The following BBS9 variants were observed in gnomAD, a reference collection of about 807,000 sequenced individuals.
The protein encoded by BBS9 is protein PTHB1.
BBS9 carries 89 observed loss-of-function variants against 117.7 expected under a neutral mutation model. The observed-to-expected ratio is 0.76, with a 90% CI of 0.64 to 0.90. The LOEUF (loss-of-function observed/expected upper bound fraction) is 0.90, where lower values mean the gene tolerates loss of function less well. BBS9 is among the 40% of genes least tolerant of loss of function. The pLI is 0.00. For missense variants in BBS9, 982 were observed against 1,042.2 expected, an observed-to-expected ratio of 0.94 and a Z score of 0.80; for synonymous variants, 379 against 370.9, an observed-to-expected ratio of 1.02 and a Z score of -0.25.
At chr7:33,339,203 A>G (rs758419988) in intron 10 of BBS9, among the ~76,000 whole-genome samples, 1 of 151,986 alleles carries the variant, frequency 6.6e-6, no homozygotes, top group Non-Finnish European at 1.5e-5. Flanking sequence ...TCGGAGTCAT[A>G]TATTGGTCCT....
At chr7:33,236,240 T>C (rs923416104) in intron 5 of BBS9, among the ~76,000 whole-genome samples, 2 of 149,250 alleles carry the variant, frequency 1.3e-5, no homozygotes, top group East Asian at 4.0e-4. Flanking sequence ...GCAGGAGAAT[T>C]GCTTGAACCC....
chr7:33,526,320 C>T (rs2129049313), intron 20 of BBS9, among the ~76,000 whole-genome samples: 1 of 152,262 alleles, frequency 6.6e-6, no homozygotes, highest in South Asian at 2.1e-4. Context: ...GGGAAATTCT[C>T]CTGGATAATA....
At chr7:33,555,250 G>C (rs921410293) in intron 21 of BBS9, among the ~76,000 whole-genome samples, 1 of 152,118 alleles carries the variant, frequency 6.6e-6, no homozygotes, top group African/African-American at 2.4e-5. Context: ...TTTAGGTCCA[G>C]GCTTTTCAGA....
At chr7:33,583,381 T>TTCCTG (rs369876893) in intron 21 of BBS9, among the ~76,000 whole-genome samples, 29 of 152,152 alleles carry the variant, frequency 1.9e-4, no homozygotes, top group African/African-American at 5.8e-4. Context: ...TTCCTTTCCT[T>TTCCTG]TCCTGTCCTG....
chr7:33,175,300 T>TA, intron 4 of BBS9, among the ~76,000 whole-genome samples: 1 of 151,140 alleles, frequency 6.6e-6, no homozygotes, highest in Non-Finnish European at 1.5e-5. Flanking sequence ...ACTCTGTCTT[T>TA]AAAAAATAAA....
At chr7:33,501,011 G>A (rs1001780255) in intron 19 of BBS9, among the ~76,000 whole-genome samples, 43 of 152,134 alleles carry the variant, frequency 2.8e-4, no homozygotes, top group Non-Finnish European at 5.6e-4. Context: ...GCTTGAAATC[G>A]TTAGCATTTA....
At chr7:33,518,944 G>T (rs997770834) in intron 20 of BBS9, among the ~76,000 whole-genome samples, 1 of 151,884 alleles carries the variant, frequency 6.6e-6, no homozygotes, top group Admixed American at 6.6e-5. Flanking sequence ...GAAGAAAATA[G>T]AAATAGAAAT....
intron 20 of BBS9, among the ~76,000 whole-genome samples, chr7:33,526,156 A>G (rs1849464774): frequency 6.6e-6 from 1 of 151,498 alleles, no homozygotes; most frequent in African/African-American, 2.4e-5. Context: ...GGGTAACCCG[A>G]CCTTTCTCTC....
intron 20 of BBS9, among the ~76,000 whole-genome samples, chr7:33,522,664 T>G (rs949797291): frequency 2.0e-5 from 3 of 150,866 alleles, no homozygotes; most frequent in Admixed American, 2.0e-4. Flanking sequence ...GTCAGATGAG[T>G]AGCTTGCGAA....
In BBS9 at chr7:33,165,776, G is replaced by A. The variant is rs186129517; in HGVS notation, c.328+10074G>A. Among the ~76,000 whole-genome samples the A allele has an allele frequency of 9.8e-4, 149 of 152,142 alleles. 3 individuals are homozygous for A. In the Middle Eastern group the frequency reaches 0.01, roughly 10 times the overall value. On this transcript the variant is annotated intron_variant, in intron 4 of 22. Coordinates refer to ENST00000242067, the MANE Select transcript of BBS9 (RefSeq NM_198428.3). ...TTTTTAGCTTCGTTGTGATGGGTTC[G>A]AACATCCTCCTTTAGCTTGGAGAAG... is the stretch of plus-strand genomic sequence containing the variant.
intron 16 of BBS9, among the ~76,000 whole-genome samples, chr7:33,359,892 C>T (rs766676442): frequency 3.3e-5 from 5 of 151,814 alleles, no homozygotes; most frequent in Non-Finnish European, 7.4e-5. Flanking sequence ...ATGTGGATAA[C>T]CAAAAGGAAA....
intron 5 of BBS9, among the ~76,000 whole-genome samples, chr7:33,182,556 A>C (rs1409800227): frequency 6.6e-6 from 1 of 152,200 alleles, no homozygotes; most frequent in East Asian, 1.9e-4. Flanking sequence ...AAGTGTCTTT[A>C]TTTTACTAAT....
At chr7:33,192,544 C>G (rs1287234756) in intron 5 of BBS9, among the ~76,000 whole-genome samples, 1 of 152,174 alleles carries the variant, frequency 6.6e-6, no homozygotes, top group Non-Finnish European at 1.5e-5. Context: ...TTCTAACTTG[C>G]TTTTCAGGTT....
chr7:33,219,140 AC>A (rs1789673825), intron 5 of BBS9, among the ~76,000 whole-genome samples: 1 of 152,198 alleles, frequency 6.6e-6, no homozygotes, highest in African/African-American at 2.4e-5. Context: ...CGGAGGGTAT[AC>A]TGGGTCCCCC....
intron 19 of BBS9, among the ~76,000 whole-genome samples, chr7:33,495,084 A>G (rs1487610581): frequency 6.6e-6 from 1 of 152,260 alleles, no homozygotes; most frequent in Non-Finnish European, 1.5e-5. Flanking sequence ...GGCCCTCTGA[A>G]AAAACTAGAT....
At chr7:33,229,253 A>G (rs886248215) in intron 5 of BBS9, among the ~76,000 whole-genome samples, 2 of 152,102 alleles carry the variant, frequency 1.3e-5, no homozygotes, top group African/African-American at 4.8e-5. Flanking sequence ...TAATTTTATT[A>G]TCTATAGTCT....
rs541448901 is a variant in BBS9, at chr7:33,531,386, G to A, written c.2299-2568G>A. 3.3e-4 allele frequency among the ~76,000 whole-genome samples: 50 copies of A among 152,316 alleles called. 2 individuals are homozygous for A. In the Middle Eastern group the frequency reaches 0.031, roughly 93 times the overall value. ...TAATCCAACTGCCAAGAGAGCAGAG[G>A]CAACTGGAGGCCAGGCTGGCAGGAG... is the stretch of plus-strand genomic sequence containing the variant. On this transcript the variant is annotated intron_variant, in intron 20 of 22. Transcript: ENST00000242067.
intron 1 of BBS9, among the ~76,000 whole-genome samples, chr7:33,145,845 A>T (rs1792255824): frequency 6.6e-6 from 1 of 152,174 alleles, no homozygotes; most frequent in Middle Eastern, 3.2e-3. Flanking sequence ...CAAAGGGCCA[A>T]CTCTAGTGCA....
At chr7:33,187,529 C>T (rs749363851) in intron 5 of BBS9, among the ~76,000 whole-genome samples, 6 of 152,218 alleles carry the variant, frequency 3.9e-5, no homozygotes, top group African/African-American at 1.2e-4. Context: ...TTTGTCCCTC[C>T]GTCTGTCCAT....
Sources: gnomAD v4.1 joint callset for allele counts (sites outside exome capture counted in the v4.1 genomes callset) on GRCh38, gnomAD v4.1.1 for gene constraint, MANE v1.5 for transcripts, NCBI Gene and HGNC (gene_info 2026-07-23, HGNC 2026-07-21) for gene names.